The following OR6P1 variants were observed in gnomAD, a reference collection of about 807,000 sequenced individuals.
The protein encoded by OR6P1 is olfactory receptor 6P1.
OR6P1 carries 5 observed loss-of-function variants against 6.6 expected under a neutral mutation model. That is an observed-to-expected ratio of 0.76 (90% confidence interval 0.40 to 1.60). OR6P1 has a LOEUF of 1.60. Among genes scored for constraint, OR6P1 ranks in the 40% most tolerant of loss-of-function variants. OR6P1 has a pLI of 0.02. For missense variants in OR6P1, 451 were observed against 383.0 expected (o/e 1.18, Z -1.48); for synonymous variants, 177 against 149.6 (o/e 1.18, Z -1.33).
chr1:158,570,251 G>A (rs1161449684), intron 1 of OR6P1, among the ~76,000 whole-genome samples, 191 bp downstream of exon 1: 1 of 152,174 alleles, frequency 6.6e-6, no homozygotes, highest in East Asian at 1.9e-4. Context: ...CATTTCTCAG[G>A]TGCTATCTCT....
chr1:158,569,811 C>A (rs1210886286), intron 1 of OR6P1, among the ~76,000 whole-genome samples: 1 of 152,046 alleles, frequency 6.6e-6, no homozygotes, highest in Non-Finnish European at 1.5e-5. Context: ...TTGATAATCT[C>A]GCTATGCAGG....
At chr1:158,565,926 T>C (rs549161088) in intron 2 of OR6P1, among the ~76,000 whole-genome samples, 26 of 152,350 alleles carry the variant, frequency 1.7e-4, no homozygotes, top group African/African-American at 6.0e-4. Context: ...TCATCAAAAT[T>C]ATTTTCATTC....
At position 158,563,130 on chromosome 1, in the gene OR6P1, T is replaced by G; in HGVS notation, c.475A>C (p.Lys159Gln). 6.4e-7 allele frequency: 1 copy of G among 1,551,460 alleles called. No individual in the cohort carries two copies. Among genetic ancestry groups the G allele is most frequent in the Non-Finnish European group, 8.7e-7 (1 of 1,146,936 alleles). Residue 159 changes from lysine (K) to glutamine (Q), a missense_variant, in exon 3 of 3, where the codon AAG becomes CAG. Coordinates refer to ENST00000641540, the MANE Select transcript of OR6P1 (RefSeq NM_001160325.2). Reference protein sequence around the residue: ...WGSGFFSSMMKLLFISQLSYC... With the variant: ...WGSGFFSSMMQLLFISQLSYC... ...GACAATTGGGAAATAAAAAGAAGCT[T>G]CATCATGGAGCTGAAGAAGCCACTG...
chr1:158,562,926 T>C lies in OR6P1; in HGVS notation c.679A>G (p.Arg227Gly), dbSNP rs1401989647. The change falls in exon 3 of 3, where the codon AGG becomes GGG. Residue 227 changes from arginine (R) to glycine (G), a missense_variant. Coordinates refer to ENST00000641540, the MANE Select transcript of OR6P1 (RefSeq NM_001160325.2). ...SYTAIIAAIL[R>G]IPTSRGRHKA... Reference sequence around the variant, plus strand: ...TGGCGTCCCCTGGACGTAGGGATCCTCAGGATGGCTGCAATGATGGCAGTG... The same window carrying C: ...TGGCGTCCCCTGGACGTAGGGATCCCCAGGATGGCTGCAATGATGGCAGTG... 3 of 1,551,778 alleles carry C rather than the reference T, an allele frequency of 1.9e-6. No homozygotes were observed. The highest frequency in any genetic ancestry group is 2.6e-6 in the Non-Finnish European group (3 of 1,147,024).
At position 158,563,231 on chromosome 1, in the gene OR6P1, G is replaced by A; in HGVS notation, c.374C>T (p.Ala125Val). The A allele has an allele frequency of 1.3e-6, 2 of 1,551,590 alleles. No homozygotes were observed. Among genetic ancestry groups the A allele is most frequent in the Non-Finnish European group, 1.7e-6 (2 of 1,146,980 alleles). Reference sequence around the variant, plus strand: ...AGGGTAAAGGAGGGGTCCACAGATGGCCAGGTAGCGATCATAGGCCATAAC... The same window carrying A: ...AGGGTAAAGGAGGGGTCCACAGATGACCAGGTAGCGATCATAGGCCATAAC... ...LAVMAYDRYL[A>V]ICGPLLYPSL... The change falls in exon 3 of 3, where the codon GCC becomes GTC. Residue 125 changes from alanine to valine, a missense_variant. Transcript: ENST00000641540.
At chr1:158,570,235 CA>C (rs1261685426) in intron 1 of OR6P1, among the ~76,000 whole-genome samples, 2 of 152,246 alleles carry the variant, frequency 1.3e-5, no homozygotes, top group Non-Finnish European at 2.9e-5. Flanking sequence ...GTGAACATTT[CA>C]GATGCATTTC....
At position 158,562,422 on chromosome 1, in the gene OR6P1, T is replaced by G. The variant is rs926538370; in HGVS notation, c.*229A>C. On this transcript the variant is annotated 3_prime_UTR_variant, in exon 3 of 3. Transcript: ENST00000641540. ...ACATATTTTTTTGGGGGAATCTGTATTTTAACAAATTCCCAGGTGATTCTT... is the reference window on the plus strand; with the variant it reads ...ACATATTTTTTTGGGGGAATCTGTAGTTTAACAAATTCCCAGGTGATTCTT... 94 of 504,308 alleles carry G rather than the reference T, an allele frequency of 1.9e-4. No individual in the cohort carries two copies. Among genetic ancestry groups the G allele is most frequent in the Middle Eastern group, 5.4e-4 (1 of 1,848 alleles). 31.2% of individuals were successfully genotyped at this position (504,308 alleles called of 1,614,324 possible).
Position 158,563,371 on chromosome 1 carries a change from A to G in OR6P1, c.234T>C (p.Ile78=). The G allele has an allele frequency of 6.4e-7, 1 of 1,551,568 alleles. No individual in the cohort carries two copies. Among genetic ancestry groups the G allele is most frequent in the East Asian group, 2.4e-5 (1 of 40,910 alleles). The change falls in exon 3 of 3, where the codon ATT becomes ATC. Residue 78 remains isoleucine (I), a synonymous_variant. Transcript: ENST00000641540. The part of the protein sequence containing the change: ...FLELWYINVT[I]PRLLAAFLTQ... ...TAAGAAAGGCTGCCAAGAGCCGAGG[A>G]ATGGTGACATTGATGTACCATAGCT...
At chr1:158,566,043 T>TA (rs1385118357) in intron 2 of OR6P1, among the ~76,000 whole-genome samples, 1 of 152,232 alleles carries the variant, frequency 6.6e-6, no homozygotes, top group Non-Finnish European at 1.5e-5. Flanking sequence ...ATTAGCCATT[T>TA]ACTTTCTCAA....
intron 1 of OR6P1, among the ~76,000 whole-genome samples, chr1:158,567,827 C>A (rs1311056229): frequency 8.6e-6 from 1 of 116,044 alleles, no homozygotes; most frequent in Non-Finnish European, 1.8e-5. Flanking sequence ...AAAACTAAAA[C>A]CACACACACA....
At position 158,562,857 on chromosome 1, in the gene OR6P1, T is replaced by C. The variant is rs1478805105; in HGVS notation, c.748A>G (p.Ile250Val). 1 of 1,551,996 alleles carries C rather than the reference T, an allele frequency of 6.4e-7. No homozygotes were observed. Among genetic ancestry groups the C allele is most frequent in the Non-Finnish European group, 8.7e-7 (1 of 1,147,082 alleles). Reference protein sequence around the residue: ...TCAAHLAVVVIYYSSTLFTYA... With the variant: ...TCAAHLAVVVVYYSSTLFTYA... ...GTGAAGAGAGTGGAGGAGTAGTAGA[T>C]AACAACCACTGCCAGATGAGCGGCA... Residue 250 changes from isoleucine (I) to valine (V), a missense_variant, in exon 3 of 3, where the codon ATC (isoleucine) becomes GTC (valine). Coordinates refer to ENST00000641540, the MANE Select transcript of OR6P1 (RefSeq NM_001160325.2).
rs865855268 is a variant in OR6P1, at chr1:158,567,765, C to T, written c.-117-907G>A. Among the ~76,000 whole-genome samples the T allele has an allele frequency of 6.4e-4, 95 of 147,670 alleles. No individual in the cohort carries two copies. The Middle Eastern group carries it at 0.022, about 34-fold the overall frequency. ...ATATGTAACTAACCTGCACAATGTG[C>T]ACATGTACCCTAAAACTTAAAGTAT... On this transcript the variant is annotated intron_variant, in intron 1 of 2. Transcript: ENST00000641540.
At chr1:158,569,378 T>C (rs1314181899) in intron 1 of OR6P1, among the ~76,000 whole-genome samples, 1 of 152,218 alleles carries the variant, frequency 6.6e-6, no homozygotes, top group Non-Finnish European at 1.5e-5. Flanking sequence ...TGGTGCTCTA[T>C]GGGAAGCAAC....
At position 158,560,938 on chromosome 1, in the gene OR6P1, A is replaced by T. The variant is rs1647937506; in HGVS notation, c.*1713T>A. The T allele has an allele frequency of 6.6e-6, 1 of 152,178 alleles. No individual in the cohort carries two copies. Among genetic ancestry groups the T allele is most frequent in the Non-Finnish European group, 1.5e-5 (1 of 68,012 alleles). The allele number at this position is 152,178 out of a possible 1,614,324, so 9.4% of individuals were successfully genotyped here. A position where few individuals can be genotyped will look rare whatever the true frequency, so the allele number is the denominator to read the frequency against. On this transcript the variant is annotated 3_prime_UTR_variant, in exon 3 of 3. Coordinates refer to ENST00000641540, the MANE Select transcript of OR6P1 (RefSeq NM_001160325.2). ...CTCAGAGATAATTTGTGCCATAAGT[A>T]ATTTTGTGTAGTAATGTTTATTAGG... is the stretch of plus-strand genomic sequence containing the variant.
chr1:158,570,004 G>A (rs891656423), intron 1 of OR6P1, among the ~76,000 whole-genome samples: 18 of 152,122 alleles, frequency 1.2e-4, no homozygotes, highest in African/African-American at 1.9e-4. Flanking sequence ...ATTCGAATTC[G>A]TAGATATAGA....
chr1:158,562,849 G>T lies in OR6P1; in HGVS notation c.756C>A (p.Tyr252Ter). Residue 252 changes from tyrosine to a stop codon, truncating the protein, a stop_gained, in exon 3 of 3, where the codon TAC becomes TAA. Transcript: ENST00000641540. LOFTEE classifies it high-confidence loss of function. ...AAHLAVVVIY[Y>*]SSTLFTYARP... Reference sequence around the variant, plus strand: ...GTGCATAGGTGAAGAGAGTGGAGGAGTAGTAGATAACAACCACTGCCAGAT... The same window carrying T: ...GTGCATAGGTGAAGAGAGTGGAGGATTAGTAGATAACAACCACTGCCAGAT... 1 of 1,551,956 alleles carries T rather than the reference G, an allele frequency of 6.4e-7. No individual in the cohort carries two copies. Among genetic ancestry groups the T allele is most frequent in the Non-Finnish European group, 8.7e-7 (1 of 1,147,000 alleles).
chr1:158,566,022 G>A (rs1407854933), intron 2 of OR6P1, among the ~76,000 whole-genome samples: 1 of 152,108 alleles, frequency 6.6e-6, no homozygotes, highest in Non-Finnish European at 1.5e-5. Context: ...AAAAGGATTT[G>A]ATACCCAGTT....
intron 1 of OR6P1, among the ~76,000 whole-genome samples, chr1:158,569,975 T>C (rs1648199411): frequency 6.6e-6 from 1 of 152,198 alleles, no homozygotes; most frequent in Non-Finnish European, 1.5e-5. Flanking sequence ...TCAATAGTTT[T>C]TGTTTTTTTT....
At chr1:158,569,592 C>T (rs1043935888) in intron 1 of OR6P1, among the ~76,000 whole-genome samples, 3 of 152,172 alleles carry the variant, frequency 2.0e-5, no homozygotes, top group Non-Finnish European at 4.4e-5. Flanking sequence ...TTACTGTCTT[C>T]GTCTCTATCT....
Sources: gnomAD v4.1 joint callset for allele counts (sites outside exome capture counted in the v4.1 genomes callset) on GRCh38, gnomAD v4.1.1 for gene constraint, MANE v1.5 for transcripts, NCBI Gene and HGNC (gene_info 2026-07-23, HGNC 2026-07-21) for gene names.